ST3GAL5: variants seen among roughly 807,000 people sequenced by gnomAD.
ST3GAL5 encodes the protein lactosylceramide alpha-2,3-sialyltransferase.
ST3GAL5 carries 25 observed loss-of-function variants against 46.1 expected under a neutral mutation model. That is an observed-to-expected ratio of 0.54 (90% CI 0.40 to 0.76). ST3GAL5 has a LOEUF of 0.76. Ranked by LOEUF, ST3GAL5 falls within the 30% of genes least tolerant of loss-of-function variation. The pLI, the probability that ST3GAL5 is intolerant of heterozygous loss-of-function variation, is 0.00. For missense variants in ST3GAL5, 431 were observed against 521.2 expected (o/e 0.83, Z 1.69); for synonymous variants, 182 against 192.7 (o/e 0.94, Z 0.46).
intron 1 of ST3GAL5, among the ~76,000 whole-genome samples, chr2:85,869,184 G>T (rs1685626635): frequency 6.6e-6 from 1 of 152,074 alleles, no homozygotes; most frequent in African/African-American, 2.4e-5. Flanking sequence ...TCAGTAGCTG[G>T]AACTATAGGC....
chr2:85,851,839 C>G, intron 3 of ST3GAL5: 1 of 601,404 alleles, frequency 1.7e-6, no homozygotes, highest in Non-Finnish European at 2.5e-6. Context: ...GCTGGTGACT[C>G]TCTCGTAAAA....
intron 3 of ST3GAL5, chr2:85,848,685 G>A: frequency 7.5e-6 from 2 of 267,974 alleles, no homozygotes; most frequent in Non-Finnish European, 1.5e-5. Flanking sequence ...GGTTACCAGG[G>A]TTGAAGAGAG....
intron 1 of ST3GAL5, among the ~76,000 whole-genome samples, chr2:85,871,091 G>A (rs1331335305): frequency 6.8e-6 from 1 of 147,480 alleles, no homozygotes; most frequent in African/African-American, 2.5e-5. Context: ...AGGCTAGAGT[G>A]CAGTGGTGCA....
intron 1 of ST3GAL5, among the ~76,000 whole-genome samples, chr2:85,864,392 A>T (rs2104089184): frequency 6.6e-6 from 1 of 152,330 alleles, no homozygotes; most frequent in Admixed American, 6.5e-5. Context: ...GATCTGCTTC[A>T]AGAACTCAGG....
chr2:85,857,066 CAAAAAAAAAAAAA>C (rs373154047), intron 3 of ST3GAL5, among the ~76,000 whole-genome samples: 11 of 70,936 alleles, frequency 1.6e-4, no homozygotes, highest in Middle Eastern at 9.4e-3. Context: ...CTGCCTCTAC[CAAAAAAAAAAAAA>C]AAAAAAAAAA....
rs1182532420 is a variant in ST3GAL5 at position 85,848,052 on chromosome 2, C to T, written c.471G>A (p.Lys157=). Residue 157 remains lysine, a synonymous_variant, in exon 4 of 7, where the codon AAG becomes AAA. Transcript: ENST00000638572. ...TCCGGAACCCAAAAGGAGGATCGTA[C>T]TTGGACTCAGCTTCACTGTCTTTGG... is the stretch of plus-strand genomic sequence containing the variant. ...KAPKDSEAES[K]YDPPFGFRKF... is the part of the protein sequence containing the mutation. 13 of 1,614,050 alleles carry T rather than the reference C, an allele frequency of 8.1e-6. No individual in the cohort carries two copies. Among genetic ancestry groups the T allele is most frequent in the African/African-American group, 1.3e-5 (1 of 74,928 alleles).
intron 1 of ST3GAL5, among the ~76,000 whole-genome samples, chr2:85,881,923 G>C (rs1342672448): frequency 6.6e-6 from 1 of 152,252 alleles, no homozygotes; most frequent in Non-Finnish European, 1.5e-5. Context: ...CTTCACAGCA[G>C]TCCCTCCCAT....
chr2:85,871,888 A>T (rs1372748495), intron 1 of ST3GAL5, among the ~76,000 whole-genome samples: 1 of 152,220 alleles, frequency 6.6e-6, no homozygotes, highest in East Asian at 1.9e-4. Context: ...CAGAGAATAA[A>T]CCAACATAGC....
At chr2:85,879,207 C>T (rs756776483) in intron 1 of ST3GAL5, among the ~76,000 whole-genome samples, 2 of 151,854 alleles carry the variant, frequency 1.3e-5, no homozygotes, top group Non-Finnish European at 2.9e-5. Context: ...GAGCCACAGC[C>T]AGAAAGGCCG....
At chr2:85,853,349 G>A in intron 3 of ST3GAL5, 2 of 330,950 alleles carry the variant, frequency 6.0e-6, no homozygotes, top group South Asian at 4.9e-5. Context: ...TTCCTCTGCT[G>A]CAGTAATGAA....
Position 85,847,904 on chromosome 2 carries a change from A to C in ST3GAL5, c.619T>G (p.Leu207Val). 1.9e-6 allele frequency: 3 copies of C among 1,614,142 alleles called. No homozygotes were observed. The highest frequency in any genetic ancestry group is 1.7e-6 in the Non-Finnish European group (2 of 1,180,038). Residue 207 changes from leucine (L) to valine (V), a missense_variant, in exon 4 of 7, where the codon TTA becomes GTA. Coordinates refer to ENST00000638572, the MANE Select transcript of ST3GAL5 (RefSeq NM_003896.4). ...TGGTTCAGGGTGTGGCCCAGTTCTA[A>C]TCCGTGCAGTATTCCTCCGCTTCCA... ...VIGSGGILHG[L>V]ELGHTLNQFD...
At chr2:85,874,331 C>T (rs990229296) in intron 1 of ST3GAL5, among the ~76,000 whole-genome samples, 2 of 152,178 alleles carry the variant, frequency 1.3e-5, no homozygotes, top group South Asian at 2.1e-4. Flanking sequence ...CCAGCACGCA[C>T]GATGGGATTT....
At chr2:85,852,836 A>G (rs1225798705) in intron 3 of ST3GAL5, 2 of 1,284,680 alleles carry the variant, frequency 1.6e-6, no homozygotes, top group Non-Finnish European at 2.1e-6. Context: ...ATTTCTCCCT[A>G]GGTCGAGGCT....
chr2:85,846,398 T>G lies in ST3GAL5; in HGVS notation c.828A>C (p.Ala276=). 1 of 1,614,144 alleles carries G rather than the reference T, an allele frequency of 6.2e-7. No individual in the cohort carries two copies. Among genetic ancestry groups the G allele is most frequent in the Non-Finnish European group, 8.5e-7 (1 of 1,180,008 alleles). The change falls in exon 5 of 7, where the codon GCA becomes GCC. Residue 276 remains alanine (A), a synonymous_variant. Coordinates refer to ENST00000638572, the MANE Select transcript of ST3GAL5 (RefSeq NM_003896.4). The part of the protein sequence containing the change: ...FKSVDFNWLQ[A]MVKKETLPFW... ...TTACCAGGGTTTCCTTTTTTACCAT[T>G]GCTTGAAGCCAGTTGAAATCAACAC... is the stretch of plus-strand genomic sequence containing the variant.
intron 2 of ST3GAL5, 40 bp from the exon 3 acceptor site, chr2:85,861,332 G>T (rs201494663): frequency 3.1e-5 from 39 of 1,255,172 alleles, no homozygotes; most frequent in Non-Finnish European, 4.2e-5. Context: ...GTAGTCATGT[G>T]AGAATCATGA....
intron 1 of ST3GAL5, among the ~76,000 whole-genome samples, chr2:85,878,018 A>G (rs1228974396): frequency 1.3e-5 from 2 of 152,222 alleles, no homozygotes; most frequent in Non-Finnish European, 2.9e-5. Flanking sequence ...CAGCAAGAAG[A>G]GACACCCAGG....
intron 1 of ST3GAL5, among the ~76,000 whole-genome samples, chr2:85,869,211 A>G (rs557419849): frequency 1.3e-5 from 2 of 152,120 alleles, no homozygotes; most frequent in South Asian, 2.1e-4. Context: ...CATTGCACCC[A>G]GCTATCTGTT....
intron 3 of ST3GAL5, chr2:85,851,317 C>A (rs929729948): frequency 1.6e-5 from 19 of 1,164,648 alleles, no homozygotes; most frequent in Non-Finnish European, 2.0e-5. Flanking sequence ...AGTAGTAAAT[C>A]CTGAGTGAGT....
chr2:85,860,851 A>C, intron 3 of ST3GAL5: 1 of 297,632 alleles, frequency 3.4e-6, no homozygotes, highest in Non-Finnish European at 6.4e-6. Context: ...AAAAAGGGAG[A>C]AAAGAAAAAA....
Sources: gnomAD v4.1 joint callset for allele counts (sites outside exome capture counted in the v4.1 genomes callset) on GRCh38, gnomAD v4.1.1 for gene constraint, MANE v1.5 for transcripts, NCBI Gene and HGNC (gene_info 2026-07-23, HGNC 2026-07-21) for gene names.